Variants in EMILIN2 observed in about 807,000 individuals in gnomAD.
EMILIN2 encodes the protein elastin microfibril interfacer 2, also known as EMILIN-2.
Under a neutral mutation model 87.1 loss-of-function variants are expected in EMILIN2, and 71 were observed. The observed-to-expected ratio is 0.82, with a 90% CI of 0.67 to 0.99. EMILIN2 has a LOEUF of 0.99. Ranked by LOEUF, EMILIN2 falls within the 50% of genes least tolerant of loss-of-function variation. The probability of loss-of-function intolerance (pLI) is 0.00; values close to 1 mark genes in which losing one functional copy is unlikely to be tolerated. For synonymous variants in EMILIN2, 581 were observed against 563.4 expected (o/e 1.03, Z -0.44); for missense variants, 1,407 against 1,371.8 (o/e 1.03, Z -0.40).
At chr18:2,871,124 T>C (rs2076717470) in intron 2 of EMILIN2, among the ~76,000 whole-genome samples, 1 of 152,168 alleles carries the variant, frequency 6.6e-6, no homozygotes, top group South Asian at 2.1e-4. Context: ...GACTCCAAAA[T>C]ATCTTTCTGG....
At chr18:2,858,559 A>ATGTGTGTG (rs2076641616) in intron 2 of EMILIN2, among the ~76,000 whole-genome samples, 2 of 67,180 alleles carry the variant, frequency 3.0e-5, no homozygotes, top group African/African-American at 2.5e-4. Flanking sequence ...ATATATATAT[A>ATGTGTGTG]TATATATATA....
chr18:2,881,084 G>A (rs544697314), intron 2 of EMILIN2, among the ~76,000 whole-genome samples: 1 of 152,248 alleles, frequency 6.6e-6, no homozygotes, highest in Admixed American at 6.5e-5. Context: ...CCTTTCTGCT[G>A]GGAAAATCCC....
chr18:2,897,549 G>A lies in EMILIN2; in HGVS notation c.2359+5063G>A, dbSNP rs1598502356. 3.9e-5 allele frequency among the ~76,000 whole-genome samples: 6 copies of A among 152,222 alleles called. No homozygotes were observed. In the South Asian group the frequency reaches 1.2e-3, roughly 32 times the overall value. On this transcript the variant is annotated intron_variant, in intron 4 of 7. Transcript: ENST00000254528. Reference sequence around the variant, plus strand: ...TCCCTTTTTCTTGTTTTTAAAATTAGCGTTCAAATAGACAGTATAAAAAGC... The same window carrying A: ...TCCCTTTTTCTTGTTTTTAAAATTAACGTTCAAATAGACAGTATAAAAAGC...
rs1338756830 is a variant in EMILIN2, at chr18:2,891,747, C to A, written c.1620C>A (p.Asn540Lys). 20 of 1,614,040 alleles carry A rather than the reference C, an allele frequency of 1.2e-5. No homozygotes were observed. In the Admixed American group the frequency reaches 3.3e-4, roughly 27 times the overall value. The change falls in exon 4 of 8, where the codon AAC becomes AAA. Residue 540 changes from asparagine (N) to lysine (K), a missense_variant. Coordinates refer to ENST00000254528, the MANE Select transcript of EMILIN2 (RefSeq NM_032048.3). This position sits in a 1 kb window ranked among gnomAD's most constrained non-coding sequence, Gnocchi z 4.6. ...ATGAACGGGTCATGATGGAATTAAA[C>A]CACCTGAAGGACAAAGTTCAAGTTG... is the stretch of plus-strand genomic sequence containing the variant. ...SGDERVMMEL[N>K]HLKDKVQVVE...
chr18:2,875,014 G>A (rs192996106), intron 2 of EMILIN2, among the ~76,000 whole-genome samples: 1 of 152,312 alleles, frequency 6.6e-6, no homozygotes, highest in East Asian at 1.9e-4. Flanking sequence ...GAGAACAGTG[G>A]ATGGGCAGCT....
Position 2,848,545 on chromosome 18 carries a change from CAG to C in EMILIN2, c.257+615_257+616del, listed in dbSNP as rs1406390323. Among the ~76,000 whole-genome samples the C allele has an allele frequency of 2.7e-5, 4 of 149,826 alleles. No homozygotes were observed. Among genetic ancestry groups the C allele is most frequent in the South Asian group, 2.1e-4 (1 of 4,762 alleles). ...TGTGGGAGAGAATGGCCGTTAAAGA[CAG>C]GGGGAAGAATTAATCATCTTTTTGC... On this transcript the variant is annotated intron_variant, in intron 2 of 7. Coordinates refer to ENST00000254528, the MANE Select transcript of EMILIN2 (RefSeq NM_032048.3). The surrounding 1 kb of genome is among the most constrained non-coding windows in gnomAD (Gnocchi z 4.1).
In EMILIN2 at chr18:2,893,581, G is replaced by A. The variant is rs890254527; in HGVS notation, c.2359+1095G>A. On this transcript the variant is annotated intron_variant, in intron 4 of 7. Transcript: ENST00000254528. ...TTTTTGTTACTTGTGGGTGCTAAAC[G>A]CAGCCTTCTCAAAGGACAGAGCTTC... Among the ~76,000 whole-genome samples, 12 of 152,260 alleles carry A rather than the reference G, an allele frequency of 7.9e-5. No individual in the cohort carries two copies. The South Asian group carries it at 2.1e-3, about 26-fold the overall frequency.
chr18:2,887,963 A>T (rs1317551574), intron 3 of EMILIN2, among the ~76,000 whole-genome samples: 2 of 152,084 alleles, frequency 1.3e-5, no homozygotes, highest in East Asian at 3.9e-4. Context: ...ACTGCACTCG[A>T]CCTGGAACTT....
intron 2 of EMILIN2, among the ~76,000 whole-genome samples, chr18:2,883,287 C>T (rs1004957454): frequency 2.6e-5 from 4 of 152,056 alleles, no homozygotes; most frequent in African/African-American, 9.7e-5. Flanking sequence ...TGAAGTCCAC[C>T]TGCCACAGGG....
intron 2 of EMILIN2, among the ~76,000 whole-genome samples, chr18:2,855,112 G>A (rs1327685648): frequency 2.0e-5 from 3 of 152,162 alleles, no homozygotes; most frequent in Admixed American, 6.5e-5. Context: ...CCCAGCCCTC[G>A]AGAGCTGCAG....
chr18:2,875,158 G>A (rs115168063), intron 2 of EMILIN2, among the ~76,000 whole-genome samples: 1 of 152,212 alleles, frequency 6.6e-6, no homozygotes, highest in African/African-American at 2.4e-5. Context: ...CAGGAGAAAG[G>A]ATGTCAGTCA....
At chr18:2,877,818 C>T (rs1012507833) in intron 2 of EMILIN2, among the ~76,000 whole-genome samples, 4 of 151,190 alleles carry the variant, frequency 2.6e-5, no homozygotes, top group East Asian at 1.9e-4. Context: ...CACTGTCTTG[C>T]GAATTTCTAA....
At chr18:2,884,858 G>GC in intron 2 of EMILIN2, 106 bp from the exon 3 acceptor site, 1 of 1,232,068 alleles carries the variant, frequency 8.1e-7, no homozygotes, top group Non-Finnish European at 1.1e-6. Flanking sequence ...AGCCTGGAGA[G>GC]CAGGCAGGGT....
At chr18:2,871,429 C>T (rs796999913) in intron 2 of EMILIN2, among the ~76,000 whole-genome samples, 3 of 152,316 alleles carry the variant, frequency 2.0e-5, no homozygotes, top group African/African-American at 7.2e-5. Flanking sequence ...GTGTGCAAAA[C>T]GTACTTGGGT....
At chr18:2,902,141 CTT>C (rs2076890598) in intron 4 of EMILIN2, among the ~76,000 whole-genome samples, 1 of 152,158 alleles carries the variant, frequency 6.6e-6, no homozygotes, top group African/African-American at 2.4e-5. Context: ...TCAGAACTGC[CTT>C]GTTAGGACCC....
intron 2 of EMILIN2, among the ~76,000 whole-genome samples, chr18:2,872,459 C>T (rs919290990): frequency 2.0e-5 from 3 of 152,148 alleles, no homozygotes; most frequent in African/African-American, 4.8e-5. Context: ...TATGCTCAAG[C>T]GAGCCTCCTG....
chr18:2,888,551 C>A (rs1203013509), intron 3 of EMILIN2, among the ~76,000 whole-genome samples: 1 of 151,402 alleles, frequency 6.6e-6, no homozygotes, highest in East Asian at 1.9e-4. Context: ...CCATCTCTAC[C>A]AAAAATACAA....
intron 4 of EMILIN2, 150 bp from the exon 5 acceptor site, chr18:2,906,633 C>A: frequency 3.4e-6 from 2 of 579,798 alleles, no homozygotes; most frequent in Non-Finnish European, 5.0e-6. Context: ...GGCGGACGCC[C>A]GTGTGTCCCG....
At chr18:2,881,546 G>A (rs942718648) in intron 2 of EMILIN2, among the ~76,000 whole-genome samples, 1 of 152,212 alleles carries the variant, frequency 6.6e-6, no homozygotes, top group Non-Finnish European at 1.5e-5. Flanking sequence ...CCGCTCTGGG[G>A]CATGACAGAG....
Sources: gnomAD v4.1 joint callset for allele counts (sites outside exome capture counted in the v4.1 genomes callset) on GRCh38, gnomAD v4.1.1 for gene constraint, Gnocchi (gnomAD v3.1) non-coding constraint, MANE v1.5 for transcripts, NCBI Gene and HGNC (gene_info 2026-07-23, HGNC 2026-07-21) for gene names.